Variants in DYM observed in about 807,000 individuals in gnomAD.
The protein encoded by DYM is dymeclin, also known as dyggve-Melchior-Clausen syndrome protein.
DYM carries 78 observed loss-of-function variants against 93.1 expected under a neutral mutation model. That is an observed-to-expected ratio of 0.84 (90% CI 0.70 to 1.01). DYM has a LOEUF of 1.01. Among genes scored for constraint, DYM ranks in the 50% least tolerant of loss-of-function variants. The pLI is 0.00. For missense variants in DYM, 789 were observed against 845.0 expected, an observed-to-expected ratio of 0.93 and a Z score of 0.82; for synonymous variants, 321 against 319.7, an observed-to-expected ratio of 1.00 and a Z score of -0.04.
intron 15 of DYM, among the ~76,000 whole-genome samples, chr18:49,120,366 G>A (rs2082277946): frequency 6.6e-6 from 1 of 152,162 alleles, no homozygotes; most frequent in Non-Finnish European, 1.5e-5. Flanking sequence ...TAGGTTGAAA[G>A]TAAAAGGATG....
intron 13 of DYM, among the ~76,000 whole-genome samples, chr18:49,221,561 G>T (rs2093359103): frequency 6.6e-6 from 1 of 152,182 alleles, no homozygotes; most frequent in Non-Finnish European, 1.5e-5. Flanking sequence ...ATACACCATG[G>T]AATACTATGC....
At chr18:49,167,573 AATGTATACGAGAC>A (rs2088064811) in intron 14 of DYM, among the ~76,000 whole-genome samples, 1 of 152,188 alleles carries the variant, frequency 6.6e-6, no homozygotes, top group Non-Finnish European at 1.5e-5. Context: ...TTTAAGGCAA[AATGTATACGAGAC>A]ATGACTTGCA....
intron 2 of DYM, among the ~76,000 whole-genome samples, chr18:49,410,786 A>C (rs1472689147): frequency 6.6e-6 from 1 of 152,134 alleles, no homozygotes; most frequent in Non-Finnish European, 1.5e-5. Context: ...AAAAATTAAA[A>C]TTAAAATTAA....
intron 2 of DYM, among the ~76,000 whole-genome samples, chr18:49,409,355 G>C (rs935734340): frequency 6.6e-5 from 10 of 151,610 alleles, no homozygotes; most frequent in African/African-American, 2.4e-4. Flanking sequence ...GATTATATTT[G>C]TTCATTATAA....
chr18:49,373,862 G>A (rs1436451552), intron 5 of DYM, among the ~76,000 whole-genome samples: 1 of 152,086 alleles, frequency 6.6e-6, no homozygotes, highest in Non-Finnish European at 1.5e-5. Flanking sequence ...AGCACTTCAT[G>A]GGAAGGTTTG....
At chr18:49,235,138 C>T (rs921548320) in intron 13 of DYM, among the ~76,000 whole-genome samples, 1 of 152,194 alleles carries the variant, frequency 6.6e-6, no homozygotes, top group Non-Finnish European at 1.5e-5. Context: ...TTCTGATCTA[C>T]AGAATTGTGG....
chr18:49,364,060 A>C (rs762883606), intron 5 of DYM, among the ~76,000 whole-genome samples: 2 of 152,174 alleles, frequency 1.3e-5, no homozygotes, highest in Non-Finnish European at 2.9e-5. Flanking sequence ...CGTTTCAACT[A>C]TTGGCATGTT....
intron 10 of DYM, among the ~76,000 whole-genome samples, chr18:49,279,058 G>A (rs571940780): frequency 5.9e-5 from 9 of 152,084 alleles, no homozygotes; most frequent in Admixed American, 6.6e-5. Flanking sequence ...ACTTGGATTC[G>A]CCCTAGACAC....
chr18:49,203,897 A>AAAAAAAAAACC, intron 14 of DYM, among the ~76,000 whole-genome samples: 1 of 132,332 alleles, frequency 7.6e-6, no homozygotes, highest in East Asian at 2.9e-4. Flanking sequence ...AAAAAAAAAA[A>AAAAAAAAAACC]ACAACTCTGG....
intron 17 of DYM, among the ~76,000 whole-genome samples, chr18:49,081,387 G>A (rs1186324943): frequency 9.2e-5 from 14 of 151,400 alleles, no homozygotes; most frequent in South Asian, 4.2e-4. Context: ...GCCTGCAATC[G>A]CAGGCACTCA....
At chr18:49,069,778 C>A (rs1040174396) in intron 17 of DYM, among the ~76,000 whole-genome samples, 1 of 152,168 alleles carries the variant, frequency 6.6e-6, no homozygotes, top group Non-Finnish European at 1.5e-5. Flanking sequence ...CATGGTGGCT[C>A]ACGCCTGTAA....
chr18:49,274,910 T>C (rs1386403925), intron 10 of DYM, among the ~76,000 whole-genome samples: 2 of 152,174 alleles, frequency 1.3e-5, no homozygotes, highest in East Asian at 1.9e-4. Flanking sequence ...TTTGCAAATA[T>C]CTTCTCACAT....
At chr18:49,412,568 C>G (rs1336073567) in intron 2 of DYM, among the ~76,000 whole-genome samples, 1 of 152,016 alleles carries the variant, frequency 6.6e-6, no homozygotes, top group African/African-American at 2.4e-5. Context: ...AGTAAAACAG[C>G]CTAGTACATT....
intron 5 of DYM, among the ~76,000 whole-genome samples, chr18:49,365,534 C>T (rs867307829): frequency 6.6e-6 from 1 of 152,184 alleles, no homozygotes; most frequent in Non-Finnish European, 1.5e-5. Context: ...AAGTTAACAA[C>T]CTACTCCAAC....
intron 15 of DYM, among the ~76,000 whole-genome samples, chr18:49,122,713 C>T (rs1337455106): frequency 6.6e-6 from 1 of 152,192 alleles, no homozygotes; most frequent in East Asian, 1.9e-4. Flanking sequence ...GAAAAACTGT[C>T]TTCCACAAAA....
At chr18:49,417,081 T>A (rs1403800812) in intron 2 of DYM, among the ~76,000 whole-genome samples, 2 of 152,186 alleles carry the variant, frequency 1.3e-5, no homozygotes, top group Non-Finnish European at 1.5e-5. Flanking sequence ...AGAAGTCATC[T>A]GGCCACGTTT....
At chr18:49,102,253 G>C (rs2080241756) in intron 16 of DYM, among the ~76,000 whole-genome samples, 1 of 152,136 alleles carries the variant, frequency 6.6e-6, no homozygotes, top group South Asian at 2.1e-4. Flanking sequence ...ACTTATTTAA[G>C]GCTGTAAATT....
chr18:49,209,644 G>C lies in DYM; in HGVS notation c.1532C>G (p.Ser511Cys), dbSNP rs1443570222. Reference sequence around the variant, plus strand: ...GGTCGAGAAGCAATGCTGAAGCGTAGAACAGTGAGAGTGGGGGAAATACAG... The same window carrying C: ...GGTCGAGAAGCAATGCTGAAGCGTACAACAGTGAGAGTGGGGGAAATACAG... ...DKLYFPHSHCSTLQHCFSTLS... is the reference protein window; with the variant it reads ...DKLYFPHSHCCTLQHCFSTLS... The change falls in exon 14 of 18, where the codon TCT becomes TGT. Residue 511 changes from serine (S) to cysteine (C), a missense_variant. Coordinates refer to ENST00000675505, the MANE Select transcript of DYM (RefSeq NM_001353214.3). 7.8e-7 allele frequency: 1 copy of C among 1,289,636 alleles called. No homozygotes were observed. The highest frequency in any genetic ancestry group is 1.0e-6 in the Non-Finnish European group (1 of 988,784). The allele number at this position is 1,289,636 out of a possible 1,614,324, so 79.9% of individuals were successfully genotyped here.
chr18:49,392,818 A>G (rs1181676662), intron 2 of DYM, among the ~76,000 whole-genome samples: 1 of 151,008 alleles, frequency 6.6e-6, no homozygotes, highest in Admixed American at 6.6e-5. Context: ...CAATATGGTG[A>G]AACCCATCTC....
Sources: gnomAD v4.1 joint callset for allele counts (sites outside exome capture counted in the v4.1 genomes callset) on GRCh38, gnomAD v4.1.1 for gene constraint, MANE v1.5 for transcripts, NCBI Gene and HGNC (gene_info 2026-07-23, HGNC 2026-07-21) for gene names.